The following SLC19A2 variants were observed in gnomAD, a reference collection of about 807,000 sequenced individuals.
SLC19A2 encodes the protein solute carrier family 19 member 2, also known as thiamine transporter 1.
Under a neutral mutation model 44.7 loss-of-function variants are expected in SLC19A2, and 27 were observed. The ratio of observed to expected loss-of-function variants is 0.60; its 90% confidence interval spans 0.45 to 0.83. SLC19A2 has a LOEUF of 0.83. Among genes scored for constraint, SLC19A2 ranks in the 40% least tolerant of loss-of-function variants. SLC19A2 has a pLI of 0.00. For synonymous variants in SLC19A2, 239 were observed against 243.6 expected, an observed-to-expected ratio of 0.98 and a Z score of 0.18; for missense variants, 566 against 613.7, an observed-to-expected ratio of 0.92 and a Z score of 0.82.
chr1:169,470,011 T>C lies in SLC19A2; in HGVS notation c.983A>G (p.Tyr328Cys). 1 of 1,613,956 alleles carries C rather than the reference T, an allele frequency of 6.2e-7. No homozygotes were observed. Among genetic ancestry groups the C allele is most frequent in the Non-Finnish European group, 8.5e-7 (1 of 1,179,912 alleles). The change falls in exon 3 of 6, where the codon TAT becomes TGT. Residue 328 changes from tyrosine (Y) to cysteine (C), a missense_variant. Physicochemically the swap from Tyr to Cys is radical, Grantham distance 194. Coordinates refer to ENST00000236137, the MANE Select transcript of SLC19A2 (RefSeq NM_006996.3). ...CACGCCACCATTATAGATAGCAGCATAGCGAGAAGGCATCACTTTCTCCCA... is the reference window on the plus strand; with the variant it reads ...CACGCCACCATTATAGATAGCAGCACAGCGAGAAGGCATCACTTTCTCCCA... ...GLWEKVMPSR[Y>C]AAIYNGGVEA...
intron 2 of SLC19A2, among the ~76,000 whole-genome samples, chr1:169,474,536 C>T (rs1222914634): frequency 6.6e-6 from 1 of 152,104 alleles, no homozygotes. Flanking sequence ...GCAATAGACT[C>T]TCTTTAAAAA....
chr1:169,475,473 T>C (rs960582115), intron 2 of SLC19A2, among the ~76,000 whole-genome samples: 4 of 152,138 alleles, frequency 2.6e-5, no homozygotes, highest in African/African-American at 9.7e-5. Context: ...ATGGTCAATA[T>C]GTTAATATCT....
Position 169,469,961 on chromosome 1 carries a change from T to C in SLC19A2, c.1030+3A>G. The C allele has an allele frequency of 6.2e-7, 1 of 1,613,164 alleles. No homozygotes were observed. The highest frequency in any genetic ancestry group is 8.5e-7 in the Non-Finnish European group (1 of 1,179,558). Reference sequence around the variant, plus strand: ...CGACCCTCTATTATCCTGCATTGCTTACCCAGTAAGGTTGAAACGGCCTCC... The same window carrying C: ...CGACCCTCTATTATCCTGCATTGCTCACCCAGTAAGGTTGAAACGGCCTCC... On this transcript the variant is annotated splice_donor_region_variant and intron_variant, in intron 3 of 5. Coordinates refer to ENST00000236137, the MANE Select transcript of SLC19A2 (RefSeq NM_006996.3).
At chr1:169,467,416 AAC>A (rs1363124239) in intron 5 of SLC19A2, among the ~76,000 whole-genome samples, 1 of 152,148 alleles carries the variant, frequency 6.6e-6, no homozygotes, top group African/African-American at 2.4e-5. Context: ...CTTCAGTAAA[AAC>A]AAAGTTAATT....
chr1:169,472,133 C>T (rs1450266221), intron 2 of SLC19A2, among the ~76,000 whole-genome samples: 1 of 152,046 alleles, frequency 6.6e-6, no homozygotes, highest in African/African-American at 2.4e-5. Flanking sequence ...GAGAGCAAAC[C>T]TTGTGAATTT....
In SLC19A2 at chr1:169,468,716, C is replaced by T. The variant is rs1296969176; in HGVS notation, c.1151G>A (p.Gly384Asp). Residue 384 changes from glycine to aspartate, a missense_variant, in exon 4 of 6, where the codon GGT becomes GAT. Gly to Asp is a moderately conservative substitution (Grantham distance 94). Transcript: ENST00000236137. ...GGATGCATAGCACACCCAAATGTTA[C>T]CCACAGTGTCCATGATATACACTGC... The part of the protein sequence containing the change: ...AAAVYIMDTV[G>D]NIWVCYASYV... 6 of 1,613,430 alleles carry T rather than the reference C, an allele frequency of 3.7e-6. No individual in the cohort carries two copies. The highest frequency in any genetic ancestry group is 1.3e-5 in the African/African-American group (1 of 74,858).
Position 169,477,574 on chromosome 1 carries a change from A to G in SLC19A2, c.388T>C (p.Phe130Leu). 6.2e-7 allele frequency: 1 copy of G among 1,614,204 alleles called. No homozygotes were observed. The highest frequency in any genetic ancestry group is 2.2e-5 in the East Asian group (1 of 44,880). ...TCAGTGGCTGTGGCGATGCCATAAAAAAATTCTAGAAATTGAATGGCCAGC... is the reference window on the plus strand; with the variant it reads ...TCAGTGGCTGTGGCGATGCCATAAAGAAATTCTAGAAATTGAATGGCCAGC... Reference protein sequence around the residue: ...GLLAIQFLEFFYGIATATEIA... With the variant: ...GLLAIQFLEFLYGIATATEIA... The change falls in exon 2 of 6, where the codon TTT becomes CTT. Residue 130 changes from phenylalanine to leucine, a missense_variant. Transcript: ENST00000236137.
intron 2 of SLC19A2, among the ~76,000 whole-genome samples, chr1:169,476,675 G>C (rs1054419273): frequency 1.3e-5 from 2 of 152,012 alleles, no homozygotes; most frequent in African/African-American, 4.8e-5. Flanking sequence ...AATCGAGATC[G>C]CACCACTGTT....
In SLC19A2 at chr1:169,468,704, A is replaced by G; in HGVS notation, c.1163T>C (p.Val388Ala). 2 of 1,613,892 alleles carry G rather than the reference A, an allele frequency of 1.2e-6. No homozygotes were observed. Among genetic ancestry groups the G allele is most frequent in the Non-Finnish European group, 8.5e-7 (1 of 1,179,844 alleles). ...GAAGACAACATAGGATGCATAGCACACCCAAATGTTACCCACAGTGTCCAT... is the reference window on the plus strand; with the variant it reads ...GAAGACAACATAGGATGCATAGCACGCCCAAATGTTACCCACAGTGTCCAT... ...YIMDTVGNIW[V>A]CYASYVVFRI... The change falls in exon 4 of 6, where the codon GTG (valine) becomes GCG (alanine). Residue 388 changes from valine to alanine, a missense_variant. Val to Ala is a moderately conservative substitution (Grantham distance 64). Coordinates refer to ENST00000236137, the MANE Select transcript of SLC19A2 (RefSeq NM_006996.3).
At chr1:169,471,074 AC>A (rs397981894) in intron 2 of SLC19A2, among the ~76,000 whole-genome samples, 4 of 148,548 alleles carry the variant, frequency 2.7e-5, no homozygotes, top group South Asian at 4.2e-4. Context: ...AAAAAAAAAA[AC>A]CCACAGAAAA....
chr1:169,485,492 C>T, intron 1 of SLC19A2, 71 bp downstream of exon 1: 1 of 1,510,838 alleles, frequency 6.6e-7, no homozygotes, highest in South Asian at 1.2e-5. Flanking sequence ...TTTCTCGGTC[C>T]TCTCTTCCTC....
chr1:169,471,751 TCTC>T (rs1557890019), intron 2 of SLC19A2, among the ~76,000 whole-genome samples: 1 of 151,470 alleles, frequency 6.6e-6, no homozygotes, highest in African/African-American at 2.4e-5. Context: ...ATAGATATTT[TCTC>T]CTCTTATATA....
chr1:169,476,516 C>T (rs1336398427), intron 2 of SLC19A2, among the ~76,000 whole-genome samples: 1 of 151,954 alleles, frequency 6.6e-6, no homozygotes, highest in Non-Finnish European at 1.5e-5. Flanking sequence ...GTCAGGAGTT[C>T]GAGACCAGCC....
Position 169,485,548 on chromosome 1 carries a change from G to A in SLC19A2, c.204+15C>T. 1 of 1,575,538 alleles carries A rather than the reference G, an allele frequency of 6.3e-7. No homozygotes were observed. Among genetic ancestry groups the A allele is most frequent in the South Asian group, 1.2e-5 (1 of 86,116 alleles). On this transcript the variant is annotated intron_variant, in intron 1 of 5. Coordinates refer to ENST00000236137, the MANE Select transcript of SLC19A2 (RefSeq NM_006996.3). ...GTCGCCCGCCCTTCCCGCGCCCCGC[G>A]TCCGCCGCGCGTACCTCCCTCTCGG... is the stretch of plus-strand genomic sequence containing the variant.
In SLC19A2 at chr1:169,464,250, C is replaced by T. The variant is rs764896791; in HGVS notation, c.*1599G>A. 3 of 152,446 alleles carry T rather than the reference C, an allele frequency of 2.0e-5. No homozygotes were observed. The highest frequency in any genetic ancestry group is 2.9e-5 in the Non-Finnish European group (2 of 67,988). The allele number at this position is 152,446 out of a possible 1,614,324, so 9.4% of individuals were successfully genotyped here. A position where few individuals can be genotyped will look rare whatever the true frequency, so the allele number is the denominator to read the frequency against. On this transcript the variant is annotated 3_prime_UTR_variant, in exon 6 of 6. Coordinates refer to ENST00000236137, the MANE Select transcript of SLC19A2 (RefSeq NM_006996.3). ...TCAAACAGCACTTTTCTACTTGTTT[C>T]GGAGTACACAATTCCCAAATTAGCA...
At chr1:169,484,069 C>A (rs755545424) in intron 1 of SLC19A2, among the ~76,000 whole-genome samples, 1 of 151,982 alleles carries the variant, frequency 6.6e-6, no homozygotes, top group Non-Finnish European at 1.5e-5. Flanking sequence ...GACTGAGAAA[C>A]GGCCCAGCCA....
intron 1 of SLC19A2, among the ~76,000 whole-genome samples, chr1:169,485,189 C>T (rs1416852444): frequency 6.6e-6 from 1 of 152,182 alleles, no homozygotes; most frequent in Non-Finnish European, 1.5e-5. Context: ...TTTACTAAGC[C>T]GTGTCCAAAG....
In SLC19A2 at chr1:169,469,021, G is replaced by C. The variant is rs1395400160; in HGVS notation, c.1031-185C>G. The stretch of plus-strand genomic sequence containing the variant: ...AACTTGATGGAATCAATAAAATGGA[G>C]CCACTGAGATGACAGACTGAATTAG... On this transcript the variant is annotated intron_variant, in intron 3 of 5. Coordinates refer to ENST00000236137, the MANE Select transcript of SLC19A2 (RefSeq NM_006996.3). The C allele has an allele frequency of 8.3e-6, 5 of 600,528 alleles. No individual in the cohort carries two copies. The East Asian group carries it at 1.4e-4, about 17-fold the overall frequency. 37.2% of individuals were successfully genotyped at this position (600,528 alleles called of 1,614,324 possible).
At chr1:169,483,045 A>AAC (rs1452086031) in intron 1 of SLC19A2, among the ~76,000 whole-genome samples, 9 of 152,248 alleles carry the variant, frequency 5.9e-5, no homozygotes, top group African/African-American at 2.2e-4. Context: ...TTCAACTATT[A>AAC]ACATACAGTC....
Sources: allele counts gnomAD v4.1 joint callset (sites outside exome capture counted in the v4.1 genomes callset), GRCh38; gene constraint gnomAD v4.1.1; transcripts MANE v1.5; gene names NCBI Gene and HGNC (gene_info 2026-07-23, HGNC 2026-07-21).